The following MAP3K10 variants were observed in gnomAD, a reference collection of about 807,000 sequenced individuals.
MAP3K10 encodes MKN28 derived nonreceptor_type serine/threonine kinase.
Under a neutral mutation model 75.0 loss-of-function variants are expected in MAP3K10, and 22 were observed. That is an observed-to-expected ratio of 0.29 (90% CI 0.21 to 0.42). The LOEUF is 0.42. Among genes scored for constraint, MAP3K10 ranks in the 10% least tolerant of loss-of-function variants. MAP3K10 has a pLI of 1.00. For synonymous variants in MAP3K10, 599 were observed against 612.9 expected, an observed-to-expected ratio of 0.98 and a Z score of 0.34; for missense variants, 1,165 against 1,379.8, an observed-to-expected ratio of 0.84 and a Z score of 2.47.
Position 40,205,847 on chromosome 19 carries a change from G to T in MAP3K10, c.1189-64G>T. On this transcript the variant is annotated intron_variant, in intron 4 of 9. Transcript: ENST00000253055. The surrounding 1 kb of genome is among the most constrained non-coding windows in gnomAD (Gnocchi z 4.3). Reference sequence around the variant, plus strand: ...GGCACCAACCAGACGCAGCAGCCCTGGGTCCCTCCCCAGGAAGCAGAGCAG... The same window carrying T: ...GGCACCAACCAGACGCAGCAGCCCTTGGTCCCTCCCCAGGAAGCAGAGCAG... 1 of 1,445,830 alleles carries T rather than the reference G, an allele frequency of 6.9e-7. No homozygotes were observed. The allele number at this position is 1,445,830 out of a possible 1,614,324, so 89.6% of individuals were successfully genotyped here. A position where few individuals can be genotyped will look rare whatever the true frequency, so the allele number is the denominator to read the frequency against.
chr19:40,207,276 G>A (rs903628675), intron 5 of MAP3K10, among the ~76,000 whole-genome samples: 9 of 151,972 alleles, frequency 5.9e-5, no homozygotes, highest in African/African-American at 2.2e-4. Flanking sequence ...ATTCAGGAGG[G>A]AGGCACGTAG....
In MAP3K10 at chr19:40,205,115, C is replaced by T. The variant is rs752431135; in HGVS notation, c.1013-6C>T. 6.2e-7 allele frequency: 1 copy of T among 1,612,484 alleles called. No individual in the cohort carries two copies. Among genetic ancestry groups the T allele is most frequent in the Non-Finnish European group, 8.5e-7 (1 of 1,179,824 alleles). ...CCCACCACTGTCCTTCCTCCTCCCA[C>T]CCCAGAATGCTGGGACCCAGACCCC... is the stretch of plus-strand genomic sequence containing the variant. On this transcript the variant is annotated splice_polypyrimidine_tract_variant and splice_region_variant and intron_variant, in intron 3 of 9. Transcript: ENST00000253055. This position sits in a 1 kb window ranked among gnomAD's most constrained non-coding sequence, Gnocchi z 4.3.
Position 40,199,325 on chromosome 19 carries a change from A to G in MAP3K10, c.863+770A>G, listed in dbSNP as rs569087054. Among the ~76,000 whole-genome samples the G allele has an allele frequency of 1.6e-4, 24 of 152,312 alleles. 1 individual carries two copies. In the South Asian group the frequency reaches 4.8e-3, roughly 30 times the overall value. On this transcript the variant is annotated intron_variant, in intron 2 of 9. Transcript: ENST00000253055. ...TTTTATAAAGCTGTTTTTTAAGAAA[A>G]TTATAATTTTTAAAGACAAGTACAC... is the stretch of plus-strand genomic sequence containing the variant.
intron 1 of MAP3K10, among the ~76,000 whole-genome samples, chr19:40,193,555 G>T (rs1052896184): frequency 9.2e-5 from 14 of 152,178 alleles, no homozygotes; most frequent in African/African-American, 3.4e-4. Flanking sequence ...AGCCCAGCTG[G>T]GAGTAAGACA....
chr19:40,210,915 A>G (rs953405229), intron 6 of MAP3K10, among the ~76,000 whole-genome samples: 1 of 152,142 alleles, frequency 6.6e-6, no homozygotes, highest in Non-Finnish European at 1.5e-5. Context: ...ATCTCTCTTT[A>G]CTCAGTCCAC....
intron 1 of MAP3K10, among the ~76,000 whole-genome samples, chr19:40,197,302 G>A (rs1972924385): frequency 6.6e-6 from 1 of 152,078 alleles, no homozygotes; most frequent in Non-Finnish European, 1.5e-5. Flanking sequence ...CAGAGTCAGG[G>A]TGCACTCTGC....
At chr19:40,196,294 A>G (rs974816028) in intron 1 of MAP3K10, among the ~76,000 whole-genome samples, 9 of 152,058 alleles carry the variant, frequency 5.9e-5, no homozygotes, top group Admixed American at 5.2e-4. Flanking sequence ...TTGTCCTGCC[A>G]TTTTCTAACC....
Position 40,192,858 on chromosome 19 carries a change from G to C in MAP3K10, c.682+145G>C. ...AGTATGATACCTTCAGGGTGAAGGT[G>C]AGGTAGGCCTTGCCTGCCTTAAGGG... On this transcript the variant is annotated intron_variant, in intron 1 of 9. Transcript: ENST00000253055. This position sits in a 1 kb window ranked among gnomAD's most constrained non-coding sequence, Gnocchi z 7.1. The C allele has an allele frequency of 1.5e-6, 1 of 678,934 alleles. No homozygotes were observed. The highest frequency in any genetic ancestry group is 2.4e-5 in the South Asian group (1 of 42,072). 42.1% of individuals were successfully genotyped at this position (678,934 alleles called of 1,614,324 possible).
At position 40,192,056 on chromosome 19, in the gene MAP3K10, G is replaced by A; in HGVS notation, c.25G>A (p.Ala9Thr). The stretch of plus-strand genomic sequence containing the variant: ...CATGGAGGAGGAGGAGGGGGCGGTG[G>A]CCAAGGAGTGGGGCACGACCCCCGC... MEEEEGAV[A>T]KEWGTTPAGP... The change falls in exon 1 of 10, where the codon GCC becomes ACC. Residue 9 changes from alanine to threonine, a missense_variant. Physicochemically the swap from Ala to Thr is moderately conservative, Grantham distance 58. Coordinates refer to ENST00000253055, the MANE Select transcript of MAP3K10 (RefSeq NM_002446.4). This position sits in a 1 kb window ranked among gnomAD's most constrained non-coding sequence, Gnocchi z 7.1. The A allele has an allele frequency of 6.9e-7, 1 of 1,454,936 alleles. No individual in the cohort carries two copies. The highest frequency in any genetic ancestry group is 2.6e-5 in the East Asian group (1 of 38,216). 90.1% of individuals were successfully genotyped at this position (1,454,936 alleles called of 1,614,324 possible).
rs1253065901 is a variant in MAP3K10, at chr19:40,198,342, C to T, written c.683-33C>T. On this transcript the variant is annotated intron_variant, in intron 1 of 9. Transcript: ENST00000253055. The surrounding 1 kb of genome is among the most constrained non-coding windows in gnomAD (Gnocchi z 4.3). ...CACTTGGGTCTGCGGCGTGGCAGGT[C>T]TGGGGTGACCCACCTTTCTTCCCAC... The T allele has an allele frequency of 3.1e-6, 5 of 1,588,404 alleles. No homozygotes were observed. Among genetic ancestry groups the T allele is most frequent in the Non-Finnish European group, 4.3e-6 (5 of 1,165,528 alleles).
intron 1 of MAP3K10, among the ~76,000 whole-genome samples, chr19:40,197,061 G>T (rs1469828526): frequency 6.6e-6 from 1 of 152,204 alleles, no homozygotes; most frequent in Non-Finnish European, 1.5e-5. Flanking sequence ...AACAGCCATT[G>T]TGTATTACTG....
chr19:40,213,980 C>G lies in MAP3K10; in HGVS notation c.2301C>G (p.Asp767Glu), dbSNP rs752343968. The change falls in exon 9 of 10, where the codon GAC becomes GAG. Residue 767 changes from aspartate to glutamate, a missense_variant. Physicochemically the swap from Asp to Glu is conservative, Grantham distance 45. Around this residue, in one of 2 missense-constraint regions of MAP3K10, gnomAD observed 590 missense variants for 586.6 expected, o/e 1.01. Transcript: ENST00000253055. This position sits in a 1 kb window ranked among gnomAD's most constrained non-coding sequence, Gnocchi z 5.7. The stretch of plus-strand genomic sequence containing the variant: ...GTTCACTGCTGCGCTCTGACAGTGA[C>G]GAGGCCGCACCGGCCGCGCCCTCCC... ...STRSLLRSDS[D>E]EAAPAAPSPP... is the part of the protein sequence containing the mutation. 10 of 1,531,212 alleles carry G rather than the reference C, an allele frequency of 6.5e-6. No individual in the cohort carries two copies. The highest frequency in any genetic ancestry group is 4.8e-5 in the South Asian group (4 of 82,762). The allele number at this position is 1,531,212 out of a possible 1,614,324, so 94.9% of individuals were successfully genotyped here.
At chr19:40,199,400 T>G (rs1290817179) in intron 2 of MAP3K10, among the ~76,000 whole-genome samples, 1 of 152,130 alleles carries the variant, frequency 6.6e-6, no homozygotes, top group Non-Finnish European at 1.5e-5. Flanking sequence ...GGAAGGCACT[T>G]TAAGGGCTGG....
chr19:40,199,054 G>A (rs895670222), intron 2 of MAP3K10, among the ~76,000 whole-genome samples: 3 of 152,104 alleles, frequency 2.0e-5, no homozygotes, highest in South Asian at 2.1e-4. Context: ...GTGACAGAGC[G>A]AGACTCTGTC....
At chr19:40,206,831 C>T (rs994816456) in intron 5 of MAP3K10, among the ~76,000 whole-genome samples, 8 of 152,164 alleles carry the variant, frequency 5.3e-5, no homozygotes, top group Admixed American at 1.3e-4. Flanking sequence ...CAGTGGCTCA[C>T]GCCTGTAATC....
chr19:40,215,446 T>A lies in MAP3K10; in HGVS notation c.*154T>A, dbSNP rs565543956. 39 of 718,816 alleles carry A rather than the reference T, an allele frequency of 5.4e-5. No individual in the cohort carries two copies. The Admixed American group carries it at 8.4e-4, about 15-fold the overall frequency. 44.5% of individuals were successfully genotyped at this position (718,816 alleles called of 1,614,324 possible). The stretch of plus-strand genomic sequence containing the variant: ...AGGGGGGGGACACTTAACTTATTCC[T>A]TTGTACCCCAGGGGGTGGAGCCCTG... On this transcript the variant is annotated 3_prime_UTR_variant, in exon 10 of 10. Coordinates refer to ENST00000253055, the MANE Select transcript of MAP3K10 (RefSeq NM_002446.4).
intron 2 of MAP3K10, among the ~76,000 whole-genome samples, chr19:40,200,228 G>A (rs112858194): frequency 3.9e-5 from 6 of 152,350 alleles, no homozygotes; most frequent in Admixed American, 2.0e-4. Flanking sequence ...GACTGCAGGA[G>A]GCAGAGGTTG....
At position 40,209,083 on chromosome 19, in the gene MAP3K10, G is replaced by C; in HGVS notation, c.1436-20G>C. ...TCCCTGGAACCATTTGCTTAGGAAA[G>C]CTTCTCTTTCTTTCTGCAGGCTTTG... is the stretch of plus-strand genomic sequence containing the variant. On this transcript the variant is annotated intron_variant, in intron 5 of 9. Coordinates refer to ENST00000253055, the MANE Select transcript of MAP3K10 (RefSeq NM_002446.4). The C allele has an allele frequency of 6.3e-7, 1 of 1,576,216 alleles. No individual in the cohort carries two copies. Among genetic ancestry groups the C allele is most frequent in the Non-Finnish European group, 8.7e-7 (1 of 1,145,922 alleles).
chr19:40,197,709 T>C (rs1972933721), intron 1 of MAP3K10, among the ~76,000 whole-genome samples: 1 of 152,188 alleles, frequency 6.6e-6, no homozygotes. Context: ...GGACCCTGAC[T>C]GCAGTGTGCC....
Sources: allele counts gnomAD v4.1 joint callset (sites outside exome capture counted in the v4.1 genomes callset), GRCh38; gene constraint gnomAD v4.1.1; regional missense constraint gnomAD v4.1.1; non-coding constraint Gnocchi (gnomAD v3.1); transcripts MANE v1.5; gene names NCBI Gene and HGNC (gene_info 2026-07-23, HGNC 2026-07-21).